The following SLC9A5 variants were observed in gnomAD, a reference collection of about 807,000 sequenced individuals.
The protein encoded by SLC9A5 is solute carrier family 9 member A5.
A neutral mutation model predicts 91.7 loss-of-function variants in SLC9A5; 52 were observed. The observed-to-expected ratio is 0.57, with a 90% CI of 0.45 to 0.71. The LOEUF is 0.71. Ranked by LOEUF, SLC9A5 falls within the 30% of genes least tolerant of loss-of-function variation. The pLI is 0.00. For missense variants in SLC9A5, 871 were observed against 1,158.9 expected, an observed-to-expected ratio of 0.75 and a Z score of 3.61; for synonymous variants, 419 against 474.5, an observed-to-expected ratio of 0.88 and a Z score of 1.52.
chr16:67,258,514 G>A lies in SLC9A5; in HGVS notation c.1626+67G>A. The A allele has an allele frequency of 1.3e-6, 2 of 1,589,148 alleles. No homozygotes were observed. Among genetic ancestry groups the A allele is most frequent in the Non-Finnish European group, 1.7e-6 (2 of 1,159,482 alleles). On this transcript the variant is annotated intron_variant, in intron 10 of 15. Coordinates refer to ENST00000299798, the MANE Select transcript of SLC9A5 (RefSeq NM_004594.3). The surrounding 1 kb of genome is among the most constrained non-coding windows in gnomAD (Gnocchi z 4.5). ...GATGGTCAGCAGAGCAGGACAGAAA[G>A]GGGTGGCAAGCAGGCTGGCCCTGAG...
rs1429656776 is a variant in SLC9A5, at chr16:67,257,748, C to G, written c.1496+147C>G. 6.2e-6 allele frequency: 5 copies of G among 809,966 alleles called. No homozygotes were observed. The allele number at this position is 809,966 out of a possible 1,614,324, so 50.2% of individuals were successfully genotyped here. A position where few individuals can be genotyped will look rare whatever the true frequency, so the allele number is the denominator to read the frequency against. ...GAAGCCCTTCAGTGGCATCCCAGTG[C>G]TCTCAGGTTAAGACAAGGCTCCCCA... On this transcript the variant is annotated intron_variant, in intron 9 of 15. Coordinates refer to ENST00000299798, the MANE Select transcript of SLC9A5 (RefSeq NM_004594.3). This position sits in a 1 kb window ranked among gnomAD's most constrained non-coding sequence, Gnocchi z 5.1.
In SLC9A5 at chr16:67,257,561, G is replaced by T. The variant is rs1467565376; in HGVS notation, c.1456G>T (p.Asp486Tyr). ...TGACCACATTCTGGCTGCAGTGGAG[G>T]ACGTTGTGGGGCACCATGGCTACCA... ...TFDHILAAVEDVVGHHGYHYW... is the reference protein window; with the variant it reads ...TFDHILAAVEYVVGHHGYHYW... The change falls in exon 9 of 16, where the codon GAC becomes TAC. Residue 486 changes from aspartate to tyrosine, a missense_variant. Physicochemically the swap from Asp to Tyr is radical, Grantham distance 160 (BLOSUM62 -3). Around this residue, in one of 3 missense-constraint regions of SLC9A5, gnomAD observed 454 missense variants for 718.3 expected, o/e 0.63. Coordinates refer to ENST00000299798, the MANE Select transcript of SLC9A5 (RefSeq NM_004594.3). The surrounding 1 kb of genome is among the most constrained non-coding windows in gnomAD (Gnocchi z 5.1). The T allele has an allele frequency of 1.9e-6, 3 of 1,614,042 alleles. No individual in the cohort carries two copies. The highest frequency in any genetic ancestry group is 2.5e-6 in the Non-Finnish European group (3 of 1,180,036).
intron 15 of SLC9A5, 72 bp downstream of exon 15, chr16:67,266,297 A>G: frequency 7.2e-7 from 1 of 1,382,856 alleles, no homozygotes; most frequent in Non-Finnish European, 9.7e-7. Flanking sequence ...CATGGCCTCT[A>G]CTCCAGACAA....
At chr16:67,268,520 C>A (rs1169627382) in intron 15 of SLC9A5, among the ~76,000 whole-genome samples, 2 of 149,600 alleles carry the variant, frequency 1.3e-5, no homozygotes, top group African/African-American at 2.5e-5. Context: ...TATGATCACG[C>A]CACTACACTC....
In SLC9A5 at chr16:67,256,844, G is replaced by T; in HGVS notation, c.1133-67G>T. ...CTGTTAGACCTCAGCCCAGATACTT[G>T]GTCCCATCCGGTCCCACGTCCTCCA... On this transcript the variant is annotated intron_variant, in intron 6 of 15. Transcript: ENST00000299798. The surrounding 1 kb of genome is among the most constrained non-coding windows in gnomAD (Gnocchi z 4.1). The T allele has an allele frequency of 1.3e-6, 2 of 1,511,866 alleles. No homozygotes were observed. 93.7% of individuals were successfully genotyped at this position (1,511,866 alleles called of 1,614,324 possible).
At position 67,252,020 on chromosome 16, in the gene SLC9A5, A is replaced by G. The variant is rs2142338490; in HGVS notation, c.188-522A>G. ...GAAGGGACATTTCTAGAAGGGGAAA[A>G]AGCAGTAAAGGCCTAGGTTACCATA... On this transcript the variant is annotated intron_variant, in intron 1 of 15. Coordinates refer to ENST00000299798, the MANE Select transcript of SLC9A5 (RefSeq NM_004594.3). The surrounding 1 kb of genome is among the most constrained non-coding windows in gnomAD (Gnocchi z 4.0). Among the ~76,000 whole-genome samples, 1 of 152,300 alleles carries G rather than the reference A, an allele frequency of 6.6e-6. No homozygotes were observed. Among genetic ancestry groups the G allele is most frequent in the African/African-American group, 2.4e-5 (1 of 41,576 alleles).
chr16:67,262,044 T>C, intron 12 of SLC9A5: 1 of 322,444 alleles, frequency 3.1e-6, no homozygotes, highest in Non-Finnish European at 6.2e-6. Context: ...CTGGAATAAG[T>C]TTGTGTGTAT....
intron 2 of SLC9A5, among the ~76,000 whole-genome samples, 185 bp from the exon 3 acceptor site, chr16:67,254,836 T>C (rs898734294): frequency 6.6e-6 from 1 of 152,230 alleles, no homozygotes; most frequent in Non-Finnish European, 1.5e-5. Context: ...AGCCAGACCT[T>C]AGGCATAGGT....
At chr16:67,260,019 C>A in intron 12 of SLC9A5, 73 bp downstream of exon 12, 1 of 1,550,702 alleles carries the variant, frequency 6.4e-7, no homozygotes. Context: ...GCAGTTGGCG[C>A]CAGCTTGTTG....
At chr16:67,250,078 T>C (rs1309873185) in intron 1 of SLC9A5, among the ~76,000 whole-genome samples, 1 of 152,188 alleles carries the variant, frequency 6.6e-6, no homozygotes, top group Non-Finnish European at 1.5e-5. Context: ...TCCCCATGGA[T>C]GCTGGCACAG....
chr16:67,266,580 A>C (rs774282105), intron 15 of SLC9A5, among the ~76,000 whole-genome samples: 1 of 152,128 alleles, frequency 6.6e-6, no homozygotes. Context: ...TGCTCTTGTC[A>C]TCCAGGCTGG....
Position 67,259,625 on chromosome 16 carries a change from G to A in SLC9A5, c.1679G>A (p.Arg560His), listed in dbSNP as rs200404701. The A allele has an allele frequency of 1.4e-5, 22 of 1,614,096 alleles. No individual in the cohort carries two copies. Among genetic ancestry groups the A allele is most frequent in the Non-Finnish European group, 1.7e-5 (20 of 1,180,012 alleles). The change falls in exon 11 of 16, where the codon CGC becomes CAC. Residue 560 changes from arginine to histidine, a missense_variant. By Grantham distance (29) the Arg-to-His change is conservative (BLOSUM62 0). This residue lies in a region of SLC9A5 where 454 missense variants were observed against 718.3 expected (regional missense o/e 0.63). Transcript: ENST00000299798. ...TGLTLPSMPS[R>H]NSVAETSVTN... ...CTCACTCTGCCTTCTATGCCCAGCC[G>A]CAATTCTGTGGCAGAAACTTCTGTC...
intron 13 of SLC9A5, 53 bp downstream of exon 13, chr16:67,264,575 G>A: frequency 1.9e-6 from 3 of 1,586,060 alleles, no homozygotes; most frequent in East Asian, 2.2e-5. Context: ...ACAGCAAGCA[G>A]TTTTGAGCCC....
chr16:67,255,512 C>A lies in SLC9A5; in HGVS notation c.733+41C>A. 1.9e-6 allele frequency: 3 copies of A among 1,599,270 alleles called. No homozygotes were observed. The highest frequency in any genetic ancestry group is 2.6e-6 in the Non-Finnish European group (3 of 1,166,678). On this transcript the variant is annotated intron_variant, in intron 4 of 15. Transcript: ENST00000299798. This position sits in a 1 kb window ranked among gnomAD's most constrained non-coding sequence, Gnocchi z 4.9. ...CTCCCAGCTGGCATTGGAGGTCTGC[C>A]TCCCCTGGGTTGCTGAGGCCCTCCC...
At chr16:67,259,361 CAAAAAAAA>C (rs764650700) in intron 10 of SLC9A5, among the ~76,000 whole-genome samples, 2 of 43,388 alleles carry the variant, frequency 4.6e-5, no homozygotes, top group Admixed American at 5.1e-4. Context: ...GACTCTGTCT[CAAAAAAAA>C]AAAAAAAAAA....
At chr16:67,259,064 G>T (rs959125054) in intron 10 of SLC9A5, among the ~76,000 whole-genome samples, 15 of 151,870 alleles carry the variant, frequency 9.9e-5, no homozygotes, top group African/African-American at 3.4e-4. Flanking sequence ...TTCGAAACCG[G>T]CCTGGCCAAC....
Position 67,255,314 on chromosome 16 carries a change from G to C in SLC9A5, c.655-79G>C, listed in dbSNP as rs115176383. The C allele has an allele frequency of 2.9e-4, 443 of 1,531,076 alleles. 1 individual carries two copies. In the African/African-American group the frequency reaches 5.4e-3, roughly 19 times the overall value. The allele number at this position is 1,531,076 out of a possible 1,614,324, so 94.8% of individuals were successfully genotyped here. A position where few individuals can be genotyped will look rare whatever the true frequency, so the allele number is the denominator to read the frequency against. On this transcript the variant is annotated intron_variant, in intron 3 of 15. Coordinates refer to ENST00000299798, the MANE Select transcript of SLC9A5 (RefSeq NM_004594.3). The surrounding 1 kb of genome is among the most constrained non-coding windows in gnomAD (Gnocchi z 4.9). ...GAAATATGCTGTCTGCTTTCACCCT[G>C]CTCTCCCAGCAGTCTGTCTCCCAGC...
chr16:67,262,332 C>G (rs1188327845), intron 12 of SLC9A5: 1 of 446,082 alleles, frequency 2.2e-6, no homozygotes, highest in Non-Finnish European at 4.5e-6. Context: ...AGTATGATAA[C>G]ACAATCCACA....
Position 67,255,021 on chromosome 16 carries a change from C to G in SLC9A5, c.491C>G (p.Ala164Gly). The G allele has an allele frequency of 6.2e-7, 1 of 1,613,280 alleles. No homozygotes were observed. The highest frequency in any genetic ancestry group is 1.3e-5 in the African/African-American group (1 of 74,994). The change falls in exon 3 of 16, where the codon GCC becomes GGC. Residue 164 changes from alanine (A) to glycine (G), a missense_variant and splice_region_variant. By Grantham distance (60) the Ala-to-Gly change is moderately conservative. Around this residue, in one of 3 missense-constraint regions of SLC9A5, gnomAD observed 454 missense variants for 718.3 expected, o/e 0.63. Transcript: ENST00000299798. This position sits in a 1 kb window ranked among gnomAD's most constrained non-coding sequence, Gnocchi z 4.9. ...LWGLQQAGLVAPRVQAGLLDF... is the reference protein window; with the variant it reads ...LWGLQQAGLVGPRVQAGLLDF... ...CTGTCCTACACATGTCCCTTAATAG[C>G]CCCTAGGGTGCAGGCTGGCTTACTG...
Sources: gnomAD v4.1 joint callset for allele counts (sites outside exome capture counted in the v4.1 genomes callset) on GRCh38, gnomAD v4.1.1 for gene constraint, gnomAD v4.1.1 regional missense constraint, Gnocchi (gnomAD v3.1) non-coding constraint, MANE v1.5 for transcripts, NCBI Gene and HGNC (gene_info 2026-07-23, HGNC 2026-07-21) for gene names.